The following KAZN variants were observed in gnomAD, a reference collection of about 807,000 sequenced individuals.
KAZN encodes kazrin, periplakin interacting protein.
Under a neutral mutation model 87.4 loss-of-function variants are expected in KAZN, and 40 were observed. The observed-to-expected ratio is 0.46, with a 90% CI of 0.36 to 0.60. The LOEUF is 0.60. Among genes scored for constraint, KAZN ranks in the 20% least tolerant of loss-of-function variants. The pLI is 0.00. For synonymous variants in KAZN, 466 were observed against 458.3 expected (o/e 1.02, Z -0.22); for missense variants, 898 against 1,073.9 (o/e 0.84, Z 2.29).
At chr1:14,637,833 T>C (rs1352582359) in intron 1 of KAZN, among the ~76,000 whole-genome samples, 1 of 152,160 alleles carries the variant, frequency 6.6e-6, no homozygotes, top group Non-Finnish European at 1.5e-5. Context: ...TGTGACAAAG[T>C]GCTACAAACT....
At chr1:14,154,705 G>C (rs1305333371) in intron 1 of KAZN, among the ~76,000 whole-genome samples, 1 of 152,124 alleles carries the variant, frequency 6.6e-6, no homozygotes, top group African/African-American at 2.4e-5. Context: ...TTATCATGAA[G>C]GGATGTTAAT....
intron 1 of KAZN, among the ~76,000 whole-genome samples, chr1:13,984,221 AG>A (rs1285844026): frequency 7.2e-5 from 11 of 152,076 alleles, no homozygotes; most frequent in Non-Finnish European, 1.0e-4. Context: ...TGTGTTAGCC[AG>A]GATGGTCTTG....
intron 1 of KAZN, among the ~76,000 whole-genome samples, chr1:13,967,003 C>T (rs1056146945): frequency 6.6e-6 from 1 of 152,140 alleles, no homozygotes; most frequent in Non-Finnish European, 1.5e-5. Context: ...ACTGGTCCCA[C>T]CCCACCCCTC....
At chr1:14,567,065 C>T (rs1674586773) in intron 2 of KAZN, among the ~76,000 whole-genome samples, 2 of 152,144 alleles carry the variant, frequency 1.3e-5, no homozygotes, top group African/African-American at 4.8e-5. Flanking sequence ...TACATTTTGG[C>T]CTGTCTTGGC....
intron 2 of KAZN, among the ~76,000 whole-genome samples, chr1:14,459,262 T>TCC (rs201725170): frequency 3.5e-3 from 193 of 55,658 alleles, no homozygotes; most frequent in Non-Finnish European, 7.8e-3. Context: ...TGTGTGCGCG[T>TCC]GTGTGTGTGT....
At chr1:14,919,541 C>A (rs1326274954) in intron 1 of KAZN, among the ~76,000 whole-genome samples, 1 of 152,160 alleles carries the variant, frequency 6.6e-6, no homozygotes, top group Non-Finnish European at 1.5e-5. Flanking sequence ...GTCTTCATAC[C>A]CCCTGGAAAG....
chr1:14,796,724 A>G (rs1237988619), intron 1 of KAZN, among the ~76,000 whole-genome samples: 1 of 152,256 alleles, frequency 6.6e-6, no homozygotes, highest in South Asian at 2.1e-4. Flanking sequence ...TGCCTTTGGC[A>G]TAACACGAGA....
chr1:14,819,706 C>CTTTTTTTTT (rs775752838), intron 1 of KAZN, among the ~76,000 whole-genome samples: 1 of 117,532 alleles, frequency 8.5e-6, no homozygotes, highest in African/African-American at 3.4e-5. Flanking sequence ...GAAAAAAAAT[C>CTTTTTTTTT]TTTTTTTTTT....
intron 1 of KAZN, among the ~76,000 whole-genome samples, chr1:14,689,829 AC>A (rs1572231556): frequency 6.6e-6 from 1 of 152,102 alleles, no homozygotes; most frequent in African/African-American, 2.4e-5. Flanking sequence ...ATGGCAGGAG[AC>A]CCGTGGAGAC....
intron 2 of KAZN, among the ~76,000 whole-genome samples, chr1:14,465,652 C>T (rs1668084903): frequency 6.6e-6 from 1 of 152,044 alleles, no homozygotes; most frequent in Admixed American, 6.5e-5. Context: ...ATTCTGTTGG[C>T]CAAACAAGTC....
At chr1:14,662,908 AT>A (rs888541031) in intron 1 of KAZN, among the ~76,000 whole-genome samples, 14 of 144,518 alleles carry the variant, frequency 9.7e-5, no homozygotes, top group East Asian at 3.9e-4. Flanking sequence ...ATGTAAATAT[AT>A]ATATACACAT....
intron 2 of KAZN, among the ~76,000 whole-genome samples, chr1:14,441,538 C>G (rs928228208): frequency 6.6e-6 from 1 of 152,168 alleles, no homozygotes; most frequent in Non-Finnish European, 1.5e-5. Flanking sequence ...TATTTGTGTC[C>G]TAAGGAACAG....
At chr1:14,264,425 G>A (rs1462085689) in intron 2 of KAZN, among the ~76,000 whole-genome samples, 1 of 152,152 alleles carries the variant, frequency 6.6e-6, no homozygotes, top group African/African-American at 2.4e-5. Flanking sequence ...TTGGAAGGTG[G>A]AACCTTTAAG....
intron 1 of KAZN, among the ~76,000 whole-genome samples, chr1:14,933,749 C>T (rs1267777619): frequency 1.3e-5 from 2 of 151,792 alleles, no homozygotes; most frequent in Non-Finnish European, 2.9e-5. Context: ...TTCAAGCCAT[C>T]CTCCTGCCTC....
intron 1 of KAZN, among the ~76,000 whole-genome samples, chr1:14,751,929 T>C (rs934842262): frequency 6.6e-6 from 1 of 151,880 alleles, no homozygotes; most frequent in Non-Finnish European, 1.5e-5. Flanking sequence ...GGCTAGGTAA[T>C]TTAAGAAGAA....
At chr1:14,980,874 G>T (rs1666176865) in intron 2 of KAZN, among the ~76,000 whole-genome samples, 1 of 152,126 alleles carries the variant, frequency 6.6e-6, no homozygotes, top group African/African-American at 2.4e-5. Context: ...GGCAGGAGGG[G>T]GAGGTGGGGT....
At chr1:15,049,759 C>T (rs143315470) in intron 4 of KAZN, among the ~76,000 whole-genome samples, 116 of 152,236 alleles carry the variant, frequency 7.6e-4, no homozygotes, top group Non-Finnish European at 1.5e-3. Context: ...TGTGGTGGCA[C>T]ACACCTGTAA....
At chr1:14,584,109 A>G (rs1370311360) in intron 2 of KAZN, among the ~76,000 whole-genome samples, 2 of 152,120 alleles carry the variant, frequency 1.3e-5, no homozygotes, top group African/African-American at 4.8e-5. Context: ...TCACTCCCCC[A>G]GCCCTGGACA....
chr1:14,247,365 C>T (rs1444933344), intron 2 of KAZN, among the ~76,000 whole-genome samples: 1 of 152,158 alleles, frequency 6.6e-6, no homozygotes, highest in African/African-American at 2.4e-5. Flanking sequence ...ACCAAATGCT[C>T]TCCTCTTTGG....
Sources: allele counts gnomAD v4.1 joint callset (sites outside exome capture counted in the v4.1 genomes callset), GRCh38; gene constraint gnomAD v4.1.1; transcripts MANE v1.5; gene names NCBI Gene and HGNC (gene_info 2026-07-23, HGNC 2026-07-21).